BRF1: variants seen among roughly 807,000 people sequenced by gnomAD.
BRF1 encodes the protein BRF1 general transcription factor IIIB subunit.
A neutral mutation model predicts 81.7 loss-of-function variants in BRF1; 59 were observed. That is an observed-to-expected ratio of 0.72 (90% CI 0.59 to 0.90). The LOEUF (loss-of-function observed/expected upper bound fraction) is 0.90, where lower values mean the gene tolerates loss of function less well. BRF1 is among the 40% of genes least tolerant of loss of function. The pLI, the probability that BRF1 is intolerant of heterozygous loss-of-function variation, is 0.00. For missense variants in BRF1, 1,050 were observed against 936.3 expected (o/e 1.12, Z -1.58); for synonymous variants, 491 against 395.6 (o/e 1.24, Z -2.86).
chr14:105,213,225 G>C (rs1890441874), intron 15 of BRF1: 1 of 152,256 alleles, frequency 6.6e-6, no homozygotes, highest in African/African-American at 2.4e-5. Flanking sequence ...ACCTCAATGA[G>C]ACACCCCACT....
chr14:105,210,615 C>T lies in BRF1; in HGVS notation c.1997-27G>A. 2 of 1,610,096 alleles carry T rather than the reference C, an allele frequency of 1.2e-6. No individual in the cohort carries two copies. Among genetic ancestry groups the T allele is most frequent in the Non-Finnish European group, 1.7e-6 (2 of 1,179,676 alleles). On this transcript the variant is annotated intron_variant, in intron 17 of 17. Coordinates refer to ENST00000547530, the MANE Select transcript of BRF1 (RefSeq NM_001519.4). This position sits in a 1 kb window ranked among gnomAD's most constrained non-coding sequence, Gnocchi z 4.7. ...TGCAGAAGAGCACAGTCATGAAGCC[C>T]AGGGTCTCTGTGGGACCCAGGAGCC...
intron 6 of BRF1, among the ~76,000 whole-genome samples, 175 bp downstream of exon 6, chr14:105,241,090 A>T (rs952150927): frequency 6.6e-6 from 1 of 152,206 alleles, no homozygotes; most frequent in African/African-American, 2.4e-5. Flanking sequence ...GGCAGCCAGG[A>T]GGTCCTGGAG....
intron 2 of BRF1, among the ~76,000 whole-genome samples, chr14:105,281,976 A>G (rs2057124237): frequency 6.6e-6 from 1 of 152,158 alleles, no homozygotes; most frequent in South Asian, 2.1e-4. Context: ...ACGCGTCCCA[A>G]ACGAAAGGCT....
chr14:105,309,894 T>C lies in BRF1; in HGVS notation c.-162+5428A>G, dbSNP rs1039184436. Among the ~76,000 whole-genome samples, 5 of 146,684 alleles carry C rather than the reference T, an allele frequency of 3.4e-5. No individual in the cohort carries two copies. The highest frequency in any genetic ancestry group is 1.3e-4 in the African/African-American group (5 of 39,958). On this transcript the variant is annotated intron_variant, in intron 1 of 17. Coordinates refer to the BRF1 transcript ENST00000327359. The surrounding 1 kb of genome is among the most constrained non-coding windows in gnomAD (Gnocchi z 4.0). The stretch of plus-strand genomic sequence containing the variant: ...TCCGCCTCCTGGATTCAAGCAATTC[T>C]CCTGTCTCAGCCTCCCGACTAGCTG...
At chr14:105,248,450 G>GC (rs2055281278) in intron 5 of BRF1, 1 of 985,266 alleles carries the variant, frequency 1.0e-6, no homozygotes, top group African/African-American at 1.7e-5. Context: ...CGGTTGCTGG[G>GC]CAGAAGCTCG....
At chr14:105,265,062 T>TG (rs1469063030) in intron 3 of BRF1, among the ~76,000 whole-genome samples, 1 of 143,028 alleles carries the variant, frequency 7.0e-6, no homozygotes, top group East Asian at 1.9e-4. Context: ...TTGTTTTTTT[T>TG]TTGTTTGTTT....
At position 105,269,697 on chromosome 14, in the gene BRF1, C is replaced by T. The variant is rs1478594362; in HGVS notation, c.439+3024G>A. Among the ~76,000 whole-genome samples the T allele has an allele frequency of 1.3e-5, 2 of 152,160 alleles. No homozygotes were observed. The highest frequency in any genetic ancestry group is 4.8e-5 in the African/African-American group (2 of 41,446). ...AGGCAGCCCCGGCAGTGCCACAGGACTGCTCTCCGTCCTGCCTGTCATCAC... is the reference window on the plus strand; with the variant it reads ...AGGCAGCCCCGGCAGTGCCACAGGATTGCTCTCCGTCCTGCCTGTCATCAC... On this transcript the variant is annotated intron_variant, in intron 3 of 17. Coordinates refer to ENST00000547530, the MANE Select transcript of BRF1 (RefSeq NM_001519.4). The surrounding 1 kb of genome is among the most constrained non-coding windows in gnomAD (Gnocchi z 5.0).
At chr14:105,291,407 G>A (rs747929448) in intron 1 of BRF1, among the ~76,000 whole-genome samples, 1 of 152,366 alleles carries the variant, frequency 6.6e-6, no homozygotes, top group South Asian at 2.1e-4. Flanking sequence ...CGGGCTCAGT[G>A]GCTCATGACA....
At chr14:105,272,353 G>A (rs1277907544) in intron 3 of BRF1, among the ~76,000 whole-genome samples, 1 of 152,204 alleles carries the variant, frequency 6.6e-6, no homozygotes, top group Non-Finnish European at 1.5e-5. Flanking sequence ...CTCAGCAACA[G>A]CACCCCACCT....
In BRF1 at chr14:105,209,505, C is replaced by A. The variant is rs927145753; in HGVS notation, c.*1046G>T. Reference sequence around the variant, plus strand: ...GAGGCACGGCTCTGCCTCAAGGCCACCCCCTCCTAAGGACACAGGGTGAAG... The same window carrying A: ...GAGGCACGGCTCTGCCTCAAGGCCAACCCCTCCTAAGGACACAGGGTGAAG... On this transcript the variant is annotated 3_prime_UTR_variant, in exon 18 of 18. Transcript: ENST00000547530. The A allele has an allele frequency of 2.8e-6, 2 of 701,808 alleles. No individual in the cohort carries two copies. Among genetic ancestry groups the A allele is most frequent in the African/African-American group, 1.7e-5 (1 of 57,242 alleles). The allele number at this position is 701,808 out of a possible 1,614,324, so 43.5% of individuals were successfully genotyped here.
In BRF1 at chr14:105,250,504, C is replaced by T. The variant is rs756335964; in HGVS notation, c.544+2003G>A. The T allele has an allele frequency of 2.5e-6, 4 of 1,613,976 alleles. No individual in the cohort carries two copies. The African/African-American group carries it at 5.3e-5, about 22-fold the overall frequency. On this transcript the variant is annotated intron_variant, in intron 5 of 17. Transcript: ENST00000547530. The stretch of plus-strand genomic sequence containing the variant: ...TCCAGGTTGAACAAGACACCTTCTA[C>T]ACGGCCAGTGCCGTCCTGGACGGCA...
intron 1 of BRF1, among the ~76,000 whole-genome samples, chr14:105,292,877 G>A (rs1186408720): frequency 6.6e-6 from 1 of 151,796 alleles, no homozygotes; most frequent in East Asian, 1.9e-4. Context: ...CCCCTCCCCA[G>A]GTCCAGACCC....
intron 6 of BRF1, 148 bp downstream of exon 6, chr14:105,241,117 G>A: frequency 2.0e-5 from 26 of 1,292,436 alleles, no homozygotes; most frequent in Non-Finnish European, 2.5e-5. Flanking sequence ...GGACCCCGGT[G>A]GGCCAGGCCA....
rs587704718 is a variant in BRF1, at chr14:105,211,222, C to T, written c.1896G>A (p.Gly632=). 4.3e-6 allele frequency: 7 copies of T among 1,611,274 alleles called. No individual in the cohort carries two copies. Among genetic ancestry groups the T allele is most frequent in the Admixed American group, 1.7e-5 (1 of 59,984 alleles). The change falls in exon 17 of 18, where the codon GGG becomes GGA. Residue 632 remains glycine, a synonymous_variant. Transcript: ENST00000547530. ...CCTCGTCGGCGTGGTATGACACGGG[C>T]CCGCTCTCCACCAGCACCGCCTGGG... ...ARPQAVLVES[G]PVSYHADEEA... is the part of the protein sequence containing the mutation.
intron 15 of BRF1, among the ~76,000 whole-genome samples, chr14:105,215,022 T>C (rs587663755): frequency 2.8e-4 from 43 of 152,206 alleles, no homozygotes; most frequent in South Asian, 2.3e-3. Context: ...GGTGGGAGTG[T>C]GGGGGGTCCC....
At chr14:105,298,451 G>A (rs767566567) in intron 1 of BRF1, among the ~76,000 whole-genome samples, 117 of 152,220 alleles carry the variant, frequency 7.7e-4, no homozygotes, top group Non-Finnish European at 1.4e-3. Context: ...GAGCACAGCC[G>A]AGGGAGCAAA....
rs2058540248 is a variant in BRF1, at chr14:105,315,322, C to G, written c.-162G>C. On this transcript the variant is annotated splice_region_variant and 5_prime_UTR_variant, in exon 1 of 18. Coordinates refer to the BRF1 transcript ENST00000327359. The surrounding 1 kb of genome is among the most constrained non-coding windows in gnomAD (Gnocchi z 4.4). ...CTTGGGGCTCCCGGGCGGCGCTCACCTGGCTCGCCGCAACCGCACCTGCAC... is the reference window on the plus strand; with the variant it reads ...CTTGGGGCTCCCGGGCGGCGCTCACGTGGCTCGCCGCAACCGCACCTGCAC... 1.3e-5 allele frequency: 2 copies of G among 154,058 alleles called. No individual in the cohort carries two copies. The highest frequency in any genetic ancestry group is 6.5e-5 in the Admixed American group (1 of 15,338). 9.5% of individuals were successfully genotyped at this position (154,058 alleles called of 1,614,324 possible).
intron 14 of BRF1, among the ~76,000 whole-genome samples, chr14:105,218,261 G>A (rs1891658381): frequency 6.6e-6 from 1 of 152,316 alleles, no homozygotes; most frequent in African/African-American, 2.4e-5. Context: ...TCTCCTTCTA[G>A]GAGCTGGAGC....
chr14:105,309,985 T>G lies in BRF1; in HGVS notation c.-162+5337A>C, dbSNP rs2058303121. On this transcript the variant is annotated intron_variant, in intron 1 of 17. Transcript: ENST00000327359. This position sits in a 1 kb window ranked among gnomAD's most constrained non-coding sequence, Gnocchi z 4.0. ...ATTTTTAGTAGAGACGGGGTTTCAG[T>G]GTATTGGTCAGGCTAGTTTTGAACT... Among the ~76,000 whole-genome samples, 1 of 151,132 alleles carries G rather than the reference T, an allele frequency of 6.6e-6. No individual in the cohort carries two copies. The highest frequency in any genetic ancestry group is 1.5e-5 in the Non-Finnish European group (1 of 67,786).
Sources: gnomAD v4.1 joint callset for allele counts (sites outside exome capture counted in the v4.1 genomes callset) on GRCh38, gnomAD v4.1.1 for gene constraint, Gnocchi (gnomAD v3.1) non-coding constraint, MANE v1.5 for transcripts, NCBI Gene and HGNC (gene_info 2026-07-23, HGNC 2026-07-21) for gene names.